The following TMEM45A variants were observed in gnomAD, a reference collection of about 807,000 sequenced individuals.
TMEM45A encodes the protein DNA polymerase-transactivated protein 4.
TMEM45A carries 25 observed loss-of-function variants against 32.0 expected under a neutral mutation model. The ratio of observed to expected loss-of-function variants is 0.78; its 90% CI spans 0.57 to 1.09. The LOEUF (loss-of-function observed/expected upper bound fraction) is 1.09, where lower values mean the gene tolerates loss of function less well. Ranked by LOEUF, TMEM45A falls within the 50% of genes least tolerant of loss-of-function variation. The pLI is 0.00. For synonymous variants in TMEM45A, 122 were observed against 114.8 expected, an observed-to-expected ratio of 1.06 and a Z score of -0.40; for missense variants, 302 against 325.0, an observed-to-expected ratio of 0.93 and a Z score of 0.54.
intron 1 of TMEM45A, among the ~76,000 whole-genome samples, chr3:100,521,126 T>C (rs997840401): frequency 6.6e-6 from 1 of 152,208 alleles, no homozygotes; most frequent in Non-Finnish European, 1.5e-5. Flanking sequence ...TGCCTTTTAA[T>C]TTGGGATTTA....
chr3:100,572,268 C>G (rs1706578862), intron 5 of TMEM45A: 1 of 151,778 alleles, frequency 6.6e-6, no homozygotes, highest in South Asian at 2.1e-4. Flanking sequence ...CCTGTTGTTT[C>G]CTGACTTTTT....
chr3:100,498,839 A>G (rs1320995682), intron 1 of TMEM45A, among the ~76,000 whole-genome samples: 1 of 152,174 alleles, frequency 6.6e-6, no homozygotes, highest in Non-Finnish European at 1.5e-5. Flanking sequence ...ACATCCCTAC[A>G]GCAGTACACA....
intron 3 of TMEM45A, 41 bp downstream of exon 3, chr3:100,557,013 G>T: frequency 6.3e-7 from 1 of 1,595,334 alleles, no homozygotes. Flanking sequence ...TTCTCTATTA[G>T]TGAGCATTTA....
chr3:100,514,455 C>A (rs1486875055), intron 1 of TMEM45A, among the ~76,000 whole-genome samples: 1 of 152,002 alleles, frequency 6.6e-6, no homozygotes, highest in Admixed American at 6.6e-5. Context: ...CCCTTCCTTA[C>A]ACCTTATACA....
rs1706577669 is a variant in TMEM45A, at chr3:100,572,235, A to G, written c.734+3268A>G. On this transcript the variant is annotated intron_variant, in intron 5 of 5. Coordinates refer to ENST00000323523, the MANE Select transcript of TMEM45A (RefSeq NM_018004.3). ...CCACCAACAGTGTAAAAGTGTTCCT[A>G]TTTCTCCACAACCTCTCCAGCACCT... 3 of 152,026 alleles carry G rather than the reference A, an allele frequency of 2.0e-5. No individual in the cohort carries two copies. In the South Asian group the frequency reaches 6.2e-4, roughly 32 times the overall value. 9.4% of individuals were successfully genotyped at this position (152,026 alleles called of 1,614,324 possible). A position where few individuals can be genotyped will look rare whatever the true frequency, so the allele number is the denominator to read the frequency against.
chr3:100,500,236 T>C (rs1002885426), intron 1 of TMEM45A, among the ~76,000 whole-genome samples: 8 of 152,196 alleles, frequency 5.3e-5, no homozygotes, highest in African/African-American at 1.9e-4. Context: ...ATTTTATGCA[T>C]TGTTCAGACC....
rs1472686929 is a variant in TMEM45A, at chr3:100,565,474, T to G, written c.589-3348T>G. On this transcript the variant is annotated intron_variant, in intron 4 of 5. Transcript: ENST00000323523. Reference sequence around the variant, plus strand: ...TCAATATTGCACATGAAGTGTTTTTTTTTCTTGTAACCTTTCATTTATTAG... The same window carrying G: ...TCAATATTGCACATGAAGTGTTTTTGTTTCTTGTAACCTTTCATTTATTAG... Among the ~76,000 whole-genome samples the G allele has an allele frequency of 2.0e-5, 3 of 152,224 alleles. No individual in the cohort carries two copies. In the East Asian group the frequency reaches 5.8e-4, roughly 29 times the overall value.
intron 4 of TMEM45A, among the ~76,000 whole-genome samples, chr3:100,564,487 T>C (rs1706388233): frequency 6.6e-6 from 1 of 151,896 alleles, no homozygotes; most frequent in Non-Finnish European, 1.5e-5. Flanking sequence ...TTTTTTTTTT[T>C]TCCTTTGAGA....
intron 4 of TMEM45A, among the ~76,000 whole-genome samples, chr3:100,563,884 A>C (rs1379940926): frequency 6.6e-6 from 1 of 152,190 alleles, no homozygotes; most frequent in African/African-American, 2.4e-5. Flanking sequence ...TTCCACCTGC[A>C]GTTTCTGAGT....
intron 2 of TMEM45A, 133 bp from the exon 3 acceptor site, chr3:100,556,627 G>A (rs1005278715): frequency 1.2e-6 from 1 of 856,708 alleles, no homozygotes; most frequent in Admixed American, 2.3e-5. Context: ...CAGCTGTTAG[G>A]GAACAGCTCA....
intron 1 of TMEM45A, among the ~76,000 whole-genome samples, chr3:100,494,584 T>TG (rs1362053429): frequency 6.6e-6 from 1 of 151,746 alleles, no homozygotes; most frequent in Non-Finnish European, 1.5e-5. Flanking sequence ...ATCACGCCAC[T>TG]GCACTCCAGC....
At chr3:100,509,985 C>A (rs1708133083) in intron 1 of TMEM45A, among the ~76,000 whole-genome samples, 1 of 152,202 alleles carries the variant, frequency 6.6e-6, no homozygotes, top group South Asian at 2.1e-4. Context: ...CGGAGTCTTG[C>A]TGATTGCTAG....
At chr3:100,510,394 C>A (rs1433070031) in intron 1 of TMEM45A, among the ~76,000 whole-genome samples, 1 of 152,174 alleles carries the variant, frequency 6.6e-6, no homozygotes, top group Non-Finnish European at 1.5e-5. Flanking sequence ...TCCAACAGAC[C>A]TGCAGCTGAG....
chr3:100,558,365 T>C (rs780890996), intron 3 of TMEM45A, 40 bp from the exon 4 acceptor site: 1 of 1,609,222 alleles, frequency 6.2e-7, no homozygotes, highest in African/African-American at 1.3e-5. Flanking sequence ...GGGTGGTCCT[T>C]GGTTCCACTG....
At chr3:100,539,618 A>G (rs1705824768) in intron 1 of TMEM45A, among the ~76,000 whole-genome samples, 1 of 152,118 alleles carries the variant, frequency 6.6e-6, no homozygotes, top group Non-Finnish European at 1.5e-5. Context: ...CTCAGTGTCC[A>G]AAGCCCTGAG....
chr3:100,498,289 G>T (rs533887336), intron 1 of TMEM45A, among the ~76,000 whole-genome samples: 1 of 152,176 alleles, frequency 6.6e-6, no homozygotes, highest in Non-Finnish European at 1.5e-5. Flanking sequence ...CTTCATAGCA[G>T]TGTGAAAATG....
chr3:100,515,594 A>G lies in TMEM45A; in HGVS notation c.-4+22666A>G, dbSNP rs1313944260. Among the ~76,000 whole-genome samples, 3 of 151,198 alleles carry G rather than the reference A, an allele frequency of 2.0e-5. No homozygotes were observed. In the East Asian group the frequency reaches 5.8e-4, roughly 29 times the overall value. On this transcript the variant is annotated intron_variant, in intron 1 of 5. Transcript: ENST00000323523. Reference sequence around the variant, plus strand: ...GTATTCATATGTAACTAACCTGCACATTGTGCACATGTACCCTAAAACTTA... The same window carrying G: ...GTATTCATATGTAACTAACCTGCACGTTGTGCACATGTACCCTAAAACTTA...
intron 1 of TMEM45A, among the ~76,000 whole-genome samples, chr3:100,541,524 CTTTTTTT>C (rs61341173): frequency 5.4e-5 from 6 of 111,268 alleles, no homozygotes; most frequent in African/African-American, 1.1e-4. Flanking sequence ...CTTTTCTTTC[CTTTTTTT>C]TTTTTTTTTT....
In TMEM45A at chr3:100,571,234, A is replaced by G. The variant is rs559736374; in HGVS notation, c.734+2267A>G. 1.1e-3 allele frequency: 164 copies of G among 152,296 alleles called. 2 individuals carry two copies. Among genetic ancestry groups the G allele is most frequent in the African/African-American group, 3.8e-3 (159 of 41,554 alleles). 9.4% of individuals were successfully genotyped at this position (152,296 alleles called of 1,614,324 possible). The stretch of plus-strand genomic sequence containing the variant: ...ATCATTACTCCCACAGTCTTAATGT[A>G]ACCAGTGAACATGGACAGCAGCCGT... On this transcript the variant is annotated intron_variant, in intron 5 of 5. Coordinates refer to ENST00000323523, the MANE Select transcript of TMEM45A (RefSeq NM_018004.3).
Sources: allele counts gnomAD v4.1 joint callset (sites outside exome capture counted in the v4.1 genomes callset), GRCh38; gene constraint gnomAD v4.1.1; transcripts MANE v1.5; gene names NCBI Gene and HGNC (gene_info 2026-07-23, HGNC 2026-07-21).